Variants in VAV3 observed in about 807,000 individuals in gnomAD.
VAV3 encodes the protein guanine nucleotide exchange factor VAV3.
In VAV3, 94 loss-of-function variants were observed where a neutral mutation model predicts 131.2. The observed-to-expected ratio is 0.72, with a 90% CI of 0.61 to 0.85. The LOEUF is 0.85. VAV3 is among the 40% of genes least tolerant of loss of function. The probability of loss-of-function intolerance (pLI) is 0.00; values close to 1 mark genes in which losing one functional copy is unlikely to be tolerated. For synonymous variants in VAV3, 349 were observed against 342.0 expected (o/e 1.02, Z -0.22); for missense variants, 939 against 1,002.7 (o/e 0.94, Z 0.86).
intron 1 of VAV3, among the ~76,000 whole-genome samples, chr1:107,908,190 T>C (rs1672193402): frequency 6.6e-6 from 1 of 152,184 alleles, no homozygotes; most frequent in Non-Finnish European, 1.5e-5. Flanking sequence ...GGCACTCATG[T>C]GAAAGTAAGA....
chr1:107,949,195 T>G (rs758331581), intron 1 of VAV3, among the ~76,000 whole-genome samples: 3 of 152,266 alleles, frequency 2.0e-5, no homozygotes, highest in Non-Finnish European at 4.4e-5. Flanking sequence ...TTTAGCTTGT[T>G]GCATTTATAT....
At chr1:107,688,254 T>C in intron 18 of VAV3, 127 bp downstream of exon 18, 1 of 1,180,350 alleles carries the variant, frequency 8.5e-7, no homozygotes, top group Non-Finnish European at 1.2e-6. Flanking sequence ...GGTTGTTCCC[T>C]CTGTTTCTGT....
chr1:107,938,198 C>A lies in VAV3; in HGVS notation c.204+26468G>T, dbSNP rs184534185. The stretch of plus-strand genomic sequence containing the variant: ...ATGAAAATGGGAAACAATTACCCTA[C>A]AGAAGAGGAGGCGATCCCCGAGCCA... On this transcript the variant is annotated intron_variant, in intron 1 of 26. Transcript: ENST00000370056. Among the ~76,000 whole-genome samples, 4 of 152,218 alleles carry A rather than the reference C, an allele frequency of 2.6e-5. No individual in the cohort carries two copies. In the East Asian group the frequency reaches 7.7e-4, roughly 29 times the overall value.
chr1:107,793,251 G>C (rs1008953490), intron 2 of VAV3, among the ~76,000 whole-genome samples: 2 of 152,108 alleles, frequency 1.3e-5, no homozygotes, highest in African/African-American at 2.4e-5. Flanking sequence ...CCTTCATCAT[G>C]GGTGATCTGC....
At chr1:107,738,487 T>C (rs112245262) in intron 15 of VAV3, among the ~76,000 whole-genome samples, 6 of 152,206 alleles carry the variant, frequency 3.9e-5, no homozygotes, top group African/African-American at 1.4e-4. Context: ...GCACAATACA[T>C]AGTCTTATTC....
chr1:107,634,991 G>A (rs1254069642), intron 20 of VAV3, among the ~76,000 whole-genome samples: 1 of 151,476 alleles, frequency 6.6e-6, no homozygotes, highest in Non-Finnish European at 1.5e-5. Context: ...AGAGGATGTG[G>A]AGAAATAGGA....
intron 25 of VAV3, among the ~76,000 whole-genome samples, chr1:107,590,727 A>G (rs969443834): frequency 6.6e-6 from 1 of 152,154 alleles, no homozygotes; most frequent in African/African-American, 2.4e-5. Context: ...CCATACTTGT[A>G]CTAATTTGAT....
chr1:107,620,783 G>A (rs1227476928), intron 20 of VAV3, among the ~76,000 whole-genome samples: 1 of 152,100 alleles, frequency 6.6e-6, no homozygotes, highest in African/African-American at 2.4e-5. Context: ...AAAAGAGTAG[G>A]AAAAAGAGAT....
intron 10 of VAV3, among the ~76,000 whole-genome samples, chr1:107,758,064 C>T (rs1664214771): frequency 1.3e-5 from 2 of 152,186 alleles, no homozygotes; most frequent in African/African-American, 4.8e-5. Context: ...AATCAATCTT[C>T]ACCCAGAATC....
At chr1:107,573,442 G>C (rs529658875) in intron 26 of VAV3, 70 bp from the exon 27 acceptor site, 10 of 1,587,628 alleles carry the variant, frequency 6.3e-6, no homozygotes, top group Non-Finnish European at 8.6e-6. Flanking sequence ...TCTACAAACA[G>C]AGTATTTTGT....
intron 2 of VAV3, among the ~76,000 whole-genome samples, chr1:107,785,130 A>G (rs572843934): frequency 6.6e-6 from 1 of 152,334 alleles, no homozygotes; most frequent in East Asian, 1.9e-4. Flanking sequence ...TTCATGAGAC[A>G]TTCGGGCAAA....
rs142462795 is a variant in VAV3 at position 107,675,982 on chromosome 1, A to G, written c.1777+7506T>C. ...CCACATCAACCATTTTGGATACCAG[A>G]GAACTATCAAACAGAGGATCCTACA... On this transcript the variant is annotated intron_variant, in intron 19 of 26. Coordinates refer to ENST00000370056, the MANE Select transcript of VAV3 (RefSeq NM_006113.5). Among the ~76,000 whole-genome samples the G allele has an allele frequency of 3.1e-3, 477 of 152,330 alleles. 5 individuals carry two copies. The highest frequency in any genetic ancestry group is 0.031 in the Middle Eastern group (9 of 294).
chr1:107,876,947 G>GTT (rs35321108), intron 1 of VAV3, among the ~76,000 whole-genome samples: 47 of 151,188 alleles, frequency 3.1e-4, no homozygotes, highest in African/African-American at 9.6e-4. Flanking sequence ...ATCTTGGTTT[G>GTT]TTTTTTTAAT....
intron 1 of VAV3, among the ~76,000 whole-genome samples, chr1:107,963,759 T>C (rs995561761): frequency 6.8e-4 from 102 of 149,864 alleles, no homozygotes; most frequent in African/African-American, 2.4e-3. Context: ...TTGTTTTGTT[T>C]TAACATTCTG....
chr1:107,709,255 T>C (rs1430032878), intron 15 of VAV3, among the ~76,000 whole-genome samples: 1 of 152,282 alleles, frequency 6.6e-6, no homozygotes, highest in South Asian at 2.1e-4. Flanking sequence ...CAGTCTCCTC[T>C]TTATAGTCAT....
chr1:107,617,743 G>A, intron 20 of VAV3, 111 bp from the exon 21 acceptor site: 1 of 861,756 alleles, frequency 1.2e-6, no homozygotes, highest in South Asian at 1.9e-5. Flanking sequence ...TTCCTTATGT[G>A]TTATATCCAG....
chr1:107,794,158 G>A lies in VAV3; in HGVS notation c.322-14666C>T, dbSNP rs541265265. ...ACTGTCAAGAATCTCAAAGATCCAT[G>A]TGAGTAGGACATGCCACATCAAGTT... On this transcript the variant is annotated intron_variant, in intron 2 of 26. Coordinates refer to ENST00000370056, the MANE Select transcript of VAV3 (RefSeq NM_006113.5). Among the ~76,000 whole-genome samples the A allele has an allele frequency of 2.9e-4, 44 of 152,362 alleles. No homozygotes were observed. In the East Asian group the frequency reaches 7.5e-3, roughly 26 times the overall value.
rs867331477 is a variant in VAV3 at position 107,951,144 on chromosome 1, T to C, written c.204+13522A>G. On this transcript the variant is annotated intron_variant, in intron 1 of 26. Transcript: ENST00000370056. ...AATAGATTTTTGTTAGAGACATCACTGAGATCTCAATGTCTTTGCACATTC... is the reference window on the plus strand; with the variant it reads ...AATAGATTTTTGTTAGAGACATCACCGAGATCTCAATGTCTTTGCACATTC... Among the ~76,000 whole-genome samples, 6 of 152,208 alleles carry C rather than the reference T, an allele frequency of 3.9e-5. No individual in the cohort carries two copies. In the South Asian group the frequency reaches 1.2e-3, roughly 31 times the overall value.
intron 9 of VAV3, among the ~76,000 whole-genome samples, chr1:107,762,498 T>C (rs986892215): frequency 3.9e-5 from 6 of 152,156 alleles, no homozygotes; most frequent in African/African-American, 1.4e-4. Flanking sequence ...CTTCTACAGA[T>C]TGTAGAGAGC....
Sources: allele counts gnomAD v4.1 joint callset (sites outside exome capture counted in the v4.1 genomes callset), GRCh38; gene constraint gnomAD v4.1.1; transcripts MANE v1.5; gene names NCBI Gene and HGNC (gene_info 2026-07-23, HGNC 2026-07-21).